The following MTA1 variants were observed in gnomAD, a reference collection of about 807,000 sequenced individuals.
MTA1 encodes metastasis-associated protein MTA1.
In MTA1, 15 loss-of-function variants were observed where a neutral mutation model predicts 97.0. The observed-to-expected ratio is 0.15, with a 90% confidence interval of 0.10 to 0.24. The LOEUF is 0.24. Among genes scored for constraint, MTA1 ranks in the 10% least tolerant of loss-of-function variants. MTA1 has a pLI of 1.00. For synonymous variants in MTA1, 435 were observed against 417.5 expected (o/e 1.04, Z -0.51); for missense variants, 709 against 1,015.1 (o/e 0.70, Z 4.10).
chr14:105,433,455 C>T lies in MTA1; in HGVS notation c.29-5217C>T, dbSNP rs587647338. On this transcript the variant is annotated intron_variant, in intron 1 of 20. Coordinates refer to ENST00000331320, the MANE Select transcript of MTA1 (RefSeq NM_004689.4). ...TGGCCTGAGGCCCTGGGTGAGCAGA[C>T]GCTGTTGGCAGGCAGGATGCTCCAA... Among the ~76,000 whole-genome samples the T allele has an allele frequency of 2.0e-3, 306 of 152,310 alleles. 2 individuals carry two copies. The highest frequency in any genetic ancestry group is 6.8e-3 in the African/African-American group (284 of 41,574).
intron 8 of MTA1, among the ~76,000 whole-genome samples, chr14:105,458,829 G>C (rs587736799): frequency 6.6e-6 from 1 of 152,232 alleles, no homozygotes; most frequent in Non-Finnish European, 1.5e-5. Context: ...GCCCCAAGGC[G>C]GCTGCCAATC....
chr14:105,466,016 G>T, intron 16 of MTA1: 1 of 225,910 alleles, frequency 4.4e-6, no homozygotes, highest in South Asian at 6.0e-5. Flanking sequence ...CCCTGGCCAG[G>T]CTGGCTGGAT....
At chr14:105,428,364 C>G (rs1555422682) in intron 1 of MTA1, among the ~76,000 whole-genome samples, 1 of 152,098 alleles carries the variant, frequency 6.6e-6, no homozygotes, top group Non-Finnish European at 1.5e-5. Context: ...AGCCATGACT[C>G]ACTGCAGCCT....
At chr14:105,427,255 C>G (rs2082040780) in intron 1 of MTA1, among the ~76,000 whole-genome samples, 1 of 152,252 alleles carries the variant, frequency 6.6e-6, no homozygotes, top group South Asian at 2.1e-4. Context: ...TGCTTGGGTG[C>G]CTGCTGGGGT....
At chr14:105,430,104 C>T (rs2082135925) in intron 1 of MTA1, among the ~76,000 whole-genome samples, 1 of 152,148 alleles carries the variant, frequency 6.6e-6, no homozygotes, top group Non-Finnish European at 1.5e-5. Flanking sequence ...CACAACTGGG[C>T]TACCTGCTTG....
At chr14:105,455,221 C>T (rs1422412084) in intron 7 of MTA1, among the ~76,000 whole-genome samples, 1 of 152,234 alleles carries the variant, frequency 6.6e-6, no homozygotes, top group African/African-American at 2.4e-5. Flanking sequence ...TTTTAAAGTT[C>T]TTTTTGCCTC....
intron 10 of MTA1, among the ~76,000 whole-genome samples, chr14:105,461,939 CAA>C (rs1180880601): frequency 6.6e-6 from 1 of 152,234 alleles, no homozygotes; most frequent in Non-Finnish European, 1.5e-5. Flanking sequence ...CATGTTCAGA[CAA>C]GAGGACGAGG....
intron 8 of MTA1, 54 bp downstream of exon 8, chr14:105,458,426 C>G (rs1316120388): frequency 6.6e-7 from 1 of 1,509,676 alleles, no homozygotes. Flanking sequence ...AGCTTCTGTT[C>G]TCCCTTCCCT....
chr14:105,449,626 T>C (rs2141574192), intron 4 of MTA1, among the ~76,000 whole-genome samples: 1 of 152,264 alleles, frequency 6.6e-6, no homozygotes, highest in Non-Finnish European at 1.5e-5. Context: ...GTGGGAGGTC[T>C]GTGGTGGGCT....
At chr14:105,465,562 C>A (rs2083542704) in intron 16 of MTA1, 1 of 166,458 alleles carries the variant, frequency 6.0e-6, no homozygotes, top group East Asian at 1.6e-4. Flanking sequence ...GCCTGTAATA[C>A]CATTAAGGCA....
At chr14:105,438,951 A>T (rs138769925) in intron 2 of MTA1, among the ~76,000 whole-genome samples, 1 of 152,286 alleles carries the variant, frequency 6.6e-6, no homozygotes, top group East Asian at 1.9e-4. Flanking sequence ...CTCATGCAGG[A>T]CCCAGCGCAG....
At chr14:105,445,245 T>C (rs587706126) in intron 2 of MTA1, among the ~76,000 whole-genome samples, 173 bp from the exon 3 acceptor site, 1 of 152,300 alleles carries the variant, frequency 6.6e-6, no homozygotes, top group East Asian at 1.9e-4. Flanking sequence ...GCCACGGGCG[T>C]CCAGAGCTGC....
intron 2 of MTA1, among the ~76,000 whole-genome samples, chr14:105,443,414 C>G (rs2082610901): frequency 1.3e-5 from 2 of 152,212 alleles, no homozygotes; most frequent in Admixed American, 1.3e-4. Context: ...CTCTTTTGCT[C>G]AGACCAGAGT....
chr14:105,447,891 C>A (rs1344715097), intron 3 of MTA1, among the ~76,000 whole-genome samples: 2 of 152,144 alleles, frequency 1.3e-5, no homozygotes, highest in South Asian at 4.1e-4. Flanking sequence ...GGGTGAGGCC[C>A]CCAGCTGATC....
intron 7 of MTA1, among the ~76,000 whole-genome samples, chr14:105,457,548 C>G (rs587722658): frequency 1.3e-5 from 2 of 152,268 alleles, no homozygotes; most frequent in Admixed American, 1.3e-4. Flanking sequence ...CCTGTGCCCC[C>G]AGAAGGTCCC....
intron 1 of MTA1, among the ~76,000 whole-genome samples, chr14:105,428,419 C>T (rs1223535247): frequency 4.6e-5 from 7 of 151,970 alleles, no homozygotes; most frequent in East Asian, 1.9e-4. Context: ...GCCTCCTGAA[C>T]AGCCGGGACC....
chr14:105,423,301 C>T (rs2081908704), intron 1 of MTA1, among the ~76,000 whole-genome samples: 1 of 147,104 alleles, frequency 6.8e-6, no homozygotes, highest in Non-Finnish European at 1.5e-5. Context: ...CTCACTGCAA[C>T]CTCCGCCTCC....
At chr14:105,461,917 A>G (rs2083362884) in intron 10 of MTA1, among the ~76,000 whole-genome samples, 1 of 152,236 alleles carries the variant, frequency 6.6e-6, no homozygotes, top group South Asian at 2.1e-4. Context: ...AAACAAACCA[A>G]GATGAGCAGA....
rs587661691 is a variant in MTA1, at chr14:105,450,469, G to A, written c.432+145G>A. ...TGTTCTGGGGGGAAGCGGGGATTGC[G>A]TCCTGACTGTCACTTCCAGGTGTCC... On this transcript the variant is annotated intron_variant, in intron 6 of 20. Transcript: ENST00000331320. 9.6e-5 allele frequency: 87 copies of A among 904,700 alleles called. No homozygotes were observed. In the South Asian group the frequency reaches 1.0e-3, roughly 11 times the overall value. The allele number at this position is 904,700 out of a possible 1,614,324, so 56.0% of individuals were successfully genotyped here.
Sources: gnomAD v4.1 joint callset for allele counts (sites outside exome capture counted in the v4.1 genomes callset) on GRCh38, gnomAD v4.1.1 for gene constraint, MANE v1.5 for transcripts, NCBI Gene and HGNC (gene_info 2026-07-23, HGNC 2026-07-21) for gene names.